The following RAPGEF4 variants were observed in gnomAD, a reference collection of about 807,000 sequenced individuals.
The protein encoded by RAPGEF4 is Rap guanine nucleotide exchange factor 4.
Under a neutral mutation model 147.9 loss-of-function variants are expected in RAPGEF4, and 66 were observed. The ratio of observed to expected loss-of-function variants is 0.45; its 90% confidence interval spans 0.37 to 0.55. The LOEUF (loss-of-function observed/expected upper bound fraction) is 0.55. RAPGEF4 is among the 20% of genes least tolerant of loss of function. RAPGEF4 has a pLI of 0.00. For synonymous variants in RAPGEF4, 419 were observed against 442.7 expected (o/e 0.95, Z 0.67); for missense variants, 1,071 against 1,257.3 (o/e 0.85, Z 2.24).
intron 4 of RAPGEF4, among the ~76,000 whole-genome samples, chr2:172,914,786 T>C (rs556232246): frequency 1.9e-4 from 29 of 152,344 alleles, no homozygotes; most frequent in African/African-American, 6.7e-4. Context: ...CAATAGTGTA[T>C]TAGCAAACTT....
chr2:172,975,261 A>G (rs1331778553), intron 10 of RAPGEF4, among the ~76,000 whole-genome samples: 2 of 152,222 alleles, frequency 1.3e-5, no homozygotes, highest in South Asian at 4.1e-4. Flanking sequence ...GGAAAGAGTC[A>G]ATTTACTCCA....
intron 12 of RAPGEF4, among the ~76,000 whole-genome samples, chr2:172,987,798 G>A (rs1357311523): frequency 6.6e-6 from 1 of 152,134 alleles, no homozygotes; most frequent in Non-Finnish European, 1.5e-5. Flanking sequence ...AGTGTGTGTA[G>A]GTATGTATCT....
At chr2:172,997,004 C>T (rs1490089236) in intron 16 of RAPGEF4, among the ~76,000 whole-genome samples, 1 of 152,204 alleles carries the variant, frequency 6.6e-6, no homozygotes, top group African/African-American at 2.4e-5. Context: ...TGCCACCATT[C>T]GTTTGCTAGG....
chr2:172,775,898 C>T (rs1684116404), intron 1 of RAPGEF4, among the ~76,000 whole-genome samples: 1 of 152,116 alleles, frequency 6.6e-6, no homozygotes. Flanking sequence ...TACTAATACT[C>T]TTTAGCTATA....
intron 30 of RAPGEF4, among the ~76,000 whole-genome samples, chr2:173,051,402 G>C (rs1457215386): frequency 6.6e-6 from 1 of 151,556 alleles, no homozygotes; most frequent in Non-Finnish European, 1.5e-5. Context: ...TTTTTACAAC[G>C]TGCAATTCAA....
Position 172,736,150 on chromosome 2 carries a change from G to T in RAPGEF4, c.65+102G>T, listed in dbSNP as rs1260458908. ...CCTGGGCGCAGCGCGGCCGGGCTGC[G>T]GGTGGCCGGGGTCCCCGAGCGGGGG... On this transcript the variant is annotated intron_variant, in intron 1 of 30. Coordinates refer to ENST00000397081, the MANE Select transcript of RAPGEF4 (RefSeq NM_007023.4). 7.7e-6 allele frequency: 7 copies of T among 913,090 alleles called. No homozygotes were observed. The African/African-American group carries it at 1.1e-4, about 14-fold the overall frequency. The allele number at this position is 913,090 out of a possible 1,614,324, so 56.6% of individuals were successfully genotyped here. A position where few individuals can be genotyped will look rare whatever the true frequency, so the allele number is the denominator to read the frequency against.
At chr2:172,959,233 A>G (rs1312998195) in intron 6 of RAPGEF4, among the ~76,000 whole-genome samples, 5 of 152,242 alleles carry the variant, frequency 3.3e-5, no homozygotes, top group Non-Finnish European at 7.3e-5. Context: ...GGCTGCGTTC[A>G]TCTGGAAGTT....
chr2:172,762,377 G>C (rs942320232), intron 1 of RAPGEF4, among the ~76,000 whole-genome samples: 2 of 152,164 alleles, frequency 1.3e-5, no homozygotes, highest in African/African-American at 2.4e-5. Context: ...TCTTTTGCCA[G>C]ACTGCGAGGA....
At chr2:173,023,795 C>T (rs906118780) in intron 23 of RAPGEF4, among the ~76,000 whole-genome samples, 1 of 152,160 alleles carries the variant, frequency 6.6e-6, no homozygotes, top group Non-Finnish European at 1.5e-5. Flanking sequence ...GCAAGGTGTA[C>T]TGGGTATCTC....
intron 4 of RAPGEF4, among the ~76,000 whole-genome samples, chr2:172,858,451 G>C (rs939592688): frequency 3.9e-5 from 6 of 152,120 alleles, no homozygotes; most frequent in African/African-American, 1.4e-4. Flanking sequence ...ACCAGTGCTC[G>C]GATACCATAC....
At chr2:172,824,298 T>G (rs1278823675) in intron 4 of RAPGEF4, among the ~76,000 whole-genome samples, 2 of 152,218 alleles carry the variant, frequency 1.3e-5, no homozygotes, top group Non-Finnish European at 2.9e-5. Context: ...TAGAGCTTCA[T>G]CAGTAGCTTC....
At chr2:172,944,168 T>C (rs1445081053) in intron 6 of RAPGEF4, among the ~76,000 whole-genome samples, 1 of 152,152 alleles carries the variant, frequency 6.6e-6, no homozygotes, top group Non-Finnish European at 1.5e-5. Context: ...TCTTGGTAAA[T>C]GCACCCTTGG....
At chr2:172,888,335 C>A (rs1179675128) in intron 4 of RAPGEF4, among the ~76,000 whole-genome samples, 6 of 152,358 alleles carry the variant, frequency 3.9e-5, no homozygotes, top group African/African-American at 1.4e-4. Context: ...GAACATGATG[C>A]CCAGCTCTCC....
At chr2:172,999,037 T>C (rs1009521214) in intron 16 of RAPGEF4, among the ~76,000 whole-genome samples, 2 of 152,216 alleles carry the variant, frequency 1.3e-5, no homozygotes, top group African/African-American at 4.8e-5. Flanking sequence ...TTTTAATTAC[T>C]GTTCCTTGCA....
intron 1 of RAPGEF4, among the ~76,000 whole-genome samples, chr2:172,764,551 C>A (rs1384913502): frequency 2.0e-5 from 3 of 152,172 alleles, no homozygotes; most frequent in Non-Finnish European, 4.4e-5. Context: ...TGTGATCTCA[C>A]TTGTCCCAAT....
chr2:172,893,252 T>C (rs946122474), intron 4 of RAPGEF4, among the ~76,000 whole-genome samples: 2 of 152,054 alleles, frequency 1.3e-5, no homozygotes, highest in Admixed American at 1.3e-4. Flanking sequence ...GGAAACACAT[T>C]AGATGAGAGG....
intron 9 of RAPGEF4, 150 bp downstream of exon 9, chr2:172,965,833 T>C: frequency 1.0e-6 from 1 of 960,572 alleles, no homozygotes; most frequent in Non-Finnish European, 1.6e-6. Flanking sequence ...GCAATACAAA[T>C]GCAGCAAGTA....
At chr2:172,908,273 A>G (rs945939812) in intron 4 of RAPGEF4, among the ~76,000 whole-genome samples, 1 of 152,270 alleles carries the variant, frequency 6.6e-6, no homozygotes, top group Non-Finnish European at 1.5e-5. Context: ...AAACTACTTG[A>G]CATAGAATAA....
intron 1 of RAPGEF4, among the ~76,000 whole-genome samples, chr2:172,765,353 G>A (rs1019975247): frequency 1.3e-4 from 20 of 152,186 alleles, no homozygotes; most frequent in African/African-American, 4.8e-4. Flanking sequence ...GGGTGACACT[G>A]TTCAACCCAG....
Sources: gnomAD v4.1 joint callset for allele counts (sites outside exome capture counted in the v4.1 genomes callset) on GRCh38, gnomAD v4.1.1 for gene constraint, MANE v1.5 for transcripts, NCBI Gene and HGNC (gene_info 2026-07-23, HGNC 2026-07-21) for gene names.